The following PTN variants were observed in gnomAD, a reference collection of about 807,000 sequenced individuals.
PTN encodes heparin affin regulatory protein.
PTN carries 18 observed loss-of-function variants against 24.1 expected under a neutral mutation model. That is an observed-to-expected ratio of 0.75 (90% CI 0.52 to 1.11). The LOEUF is 1.11. PTN is among the 50% of genes least tolerant of loss of function. The pLI, the probability that PTN is intolerant of heterozygous loss-of-function variation, is 0.00. For synonymous variants in PTN, 78 were observed against 68.6 expected, an observed-to-expected ratio of 1.14 and a Z score of -0.67; for missense variants, 163 against 198.8, an observed-to-expected ratio of 0.82 and a Z score of 1.08.
chr7:137,314,172 A>G (rs1413701072), intron 1 of PTN, among the ~76,000 whole-genome samples: 1 of 152,194 alleles, frequency 6.6e-6, no homozygotes, highest in East Asian at 1.9e-4. Flanking sequence ...ACTATAAAGC[A>G]TTGCTAAAAT....
chr7:137,243,070 G>C (rs189644975), intron 4 of PTN, among the ~76,000 whole-genome samples: 1 of 152,280 alleles, frequency 6.6e-6, no homozygotes, highest in East Asian at 1.9e-4. Context: ...CCAAGTAGCT[G>C]GGACTACAGG....
intron 1 of PTN, among the ~76,000 whole-genome samples, chr7:137,342,864 G>A (rs1179294356): frequency 2.0e-5 from 3 of 152,092 alleles, no homozygotes; most frequent in Non-Finnish European, 4.4e-5. Flanking sequence ...AACCATTCCT[G>A]GGCTGTCAGG....
At chr7:137,234,685 C>A (rs960630977) in intron 4 of PTN, among the ~76,000 whole-genome samples, 2 of 151,934 alleles carry the variant, frequency 1.3e-5, no homozygotes, top group African/African-American at 4.8e-5. Flanking sequence ...CTTAAGGGGA[C>A]ATGTTTTTCA....
chr7:137,323,948 C>T (rs1182704701), intron 1 of PTN, among the ~76,000 whole-genome samples: 13 of 152,130 alleles, frequency 8.5e-5, no homozygotes, highest in Admixed American at 7.9e-4. Flanking sequence ...ATCATAGACA[C>T]TGAATCAAAG....
intron 1 of PTN, among the ~76,000 whole-genome samples, chr7:137,299,587 G>T (rs1278846078): frequency 2.0e-5 from 3 of 151,878 alleles, no homozygotes; most frequent in Non-Finnish European, 4.4e-5. Flanking sequence ...AATATGAGGG[G>T]CAGTTATTTC....
At chr7:137,280,128 A>C (rs997569824) in intron 1 of PTN, among the ~76,000 whole-genome samples, 1 of 152,194 alleles carries the variant, frequency 6.6e-6, no homozygotes, top group Non-Finnish European at 1.5e-5. Context: ...AAAATAGTCT[A>C]AGCATCTGAC....
chr7:137,307,906 T>C (rs1809915818), intron 1 of PTN, among the ~76,000 whole-genome samples: 1 of 152,164 alleles, frequency 6.6e-6, no homozygotes, highest in Non-Finnish European at 1.5e-5. Context: ...TGTTCCATGC[T>C]AAATGCCATG....
intron 1 of PTN, among the ~76,000 whole-genome samples, chr7:137,276,717 T>TAA (rs1341381176): frequency 6.6e-6 from 1 of 152,196 alleles, no homozygotes; most frequent in Non-Finnish European, 1.5e-5. Flanking sequence ...TGGTGCATGG[T>TAA]ATTGGTGAAG....
chr7:137,273,782 G>A (rs143298836), intron 1 of PTN, among the ~76,000 whole-genome samples: 2 of 152,230 alleles, frequency 1.3e-5, no homozygotes, highest in East Asian at 1.9e-4. Flanking sequence ...ACCACGGAGA[G>A]GGGAAAAGGC....
chr7:137,328,649 G>T (rs537400964), intron 1 of PTN, among the ~76,000 whole-genome samples: 1 of 152,260 alleles, frequency 6.6e-6, no homozygotes, highest in East Asian at 1.9e-4. Context: ...GTGATGGCAG[G>T]CTGGAGAAAC....
chr7:137,236,201 T>A, intron 4 of PTN: 1 of 702,482 alleles, frequency 1.4e-6, no homozygotes, highest in Non-Finnish European at 2.6e-6. Context: ...CTCTACCATC[T>A]TCTCAAACTC....
In PTN at chr7:137,309,157, C is replaced by T. The variant is rs1421326518; in HGVS notation, c.-2+34282G>A. ...CAGACCACTGCAATTAAAGTGAACA[C>T]CACAATAAAGCAAGTCATACAATTT... is the stretch of plus-strand genomic sequence containing the variant. On this transcript the variant is annotated intron_variant, in intron 1 of 4. Transcript: ENST00000348225. Among the ~76,000 whole-genome samples, 10 of 152,168 alleles carry T rather than the reference C, an allele frequency of 6.6e-5. 1 individual carries two copies. Among genetic ancestry groups the T allele is most frequent in the Admixed American group, 6.5e-4 (10 of 15,272 alleles).
chr7:137,306,875 T>C (rs1809897848), intron 1 of PTN, among the ~76,000 whole-genome samples: 1 of 152,090 alleles, frequency 6.6e-6, no homozygotes, highest in African/African-American at 2.4e-5. Context: ...GGAAAATCAC[T>C]GCACCAGAAA....
intron 1 of PTN, among the ~76,000 whole-genome samples, chr7:137,294,134 C>A (rs1809682780): frequency 6.6e-6 from 1 of 152,028 alleles, no homozygotes; most frequent in Non-Finnish European, 1.5e-5. Context: ...TAAAGCCTTC[C>A]ATATTTTAGA....
chr7:137,305,128 T>A (rs1242539774), intron 1 of PTN, among the ~76,000 whole-genome samples: 3 of 151,976 alleles, frequency 2.0e-5, no homozygotes, highest in African/African-American at 4.8e-5. Context: ...ACAGAGTACA[T>A]CCTCTCAGTT....
At chr7:137,228,611 A>C (rs1185491894) in intron 4 of PTN, among the ~76,000 whole-genome samples, 3 of 151,772 alleles carry the variant, frequency 2.0e-5, no homozygotes, top group African/African-American at 7.2e-5. Flanking sequence ...CCAGCTATCT[A>C]TGTAAAAAGA....
At chr7:137,243,753 G>A (rs1294643336) in intron 4 of PTN, among the ~76,000 whole-genome samples, 1 of 152,152 alleles carries the variant, frequency 6.6e-6, no homozygotes, top group African/African-American at 2.4e-5. Context: ...AAGAAAGGGG[G>A]CAGAAGTGAC....
chr7:137,281,854 T>C (rs193084130), intron 1 of PTN, among the ~76,000 whole-genome samples: 98 of 152,336 alleles, frequency 6.4e-4, no homozygotes, highest in Non-Finnish European at 4.4e-5. Context: ...GCTAAGAGCT[T>C]TATATCTTTT....
chr7:137,250,374 C>T (rs1023449859), intron 4 of PTN, among the ~76,000 whole-genome samples: 11 of 152,172 alleles, frequency 7.2e-5, no homozygotes, highest in Non-Finnish European at 1.6e-4. Flanking sequence ...AGTCTTCTCT[C>T]TATGTATTTC....
Sources: allele counts gnomAD v4.1 joint callset (sites outside exome capture counted in the v4.1 genomes callset), GRCh38; gene constraint gnomAD v4.1.1; transcripts MANE v1.5; gene names NCBI Gene and HGNC (gene_info 2026-07-23, HGNC 2026-07-21).